The following RBBP6 variants were observed in gnomAD, a reference collection of about 807,000 sequenced individuals.
RBBP6 encodes E3 ubiquitin-protein ligase RBBP6.
In RBBP6, 25 loss-of-function variants were observed where a neutral mutation model predicts 167.7. The ratio of observed to expected loss-of-function variants is 0.15; its 90% confidence interval spans 0.11 to 0.21. The LOEUF (loss-of-function observed/expected upper bound fraction) is 0.21. Ranked by LOEUF, RBBP6 falls within the 10% of genes least tolerant of loss-of-function variation. The probability of loss-of-function intolerance (pLI) is 1.00; values close to 1 mark genes in which losing one functional copy is unlikely to be tolerated. For missense variants in RBBP6, 1,868 were observed against 2,134.2 expected (o/e 0.88, Z 2.46); for synonymous variants, 789 against 735.8 (o/e 1.07, Z -1.17).
At chr16:24,555,536 G>T in intron 4 of RBBP6, 79 bp from the exon 5 acceptor site, 1 of 1,076,758 alleles carries the variant, frequency 9.3e-7, no homozygotes, top group South Asian at 1.4e-5. Flanking sequence ...GCTCTTTACA[G>T]GATGAGTGGT....
chr16:24,572,502 ATAATG>A lies in RBBP6; in HGVS notation c.*61_*65del, dbSNP rs1899367247. ...TAAGTCATCTGTATTAAATTTTGTT[ATAATG>A]TAAAGAGATTCAAGCCTTGTAAATA... On this transcript the variant is annotated 3_prime_UTR_variant, in exon 18 of 18. Coordinates refer to ENST00000319715, the MANE Select transcript of RBBP6 (RefSeq NM_006910.5). 2.8e-5 allele frequency: 41 copies of A among 1,472,816 alleles called. No homozygotes were observed. Among genetic ancestry groups the A allele is most frequent in the Admixed American group, 5.5e-5 (2 of 36,612 alleles). 91.2% of individuals were successfully genotyped at this position (1,472,816 alleles called of 1,614,324 possible).
chr16:24,543,066 T>C (rs1163609772), intron 1 of RBBP6, among the ~76,000 whole-genome samples: 1 of 152,196 alleles, frequency 6.6e-6, no homozygotes, highest in Non-Finnish European at 1.5e-5. Context: ...ACTAGTTTTA[T>C]GGGAAATAGT....
chr16:24,547,568 GC>G (rs1184434577), intron 2 of RBBP6, among the ~76,000 whole-genome samples: 1 of 152,086 alleles, frequency 6.6e-6, no homozygotes. Context: ...CGATTCTCCT[GC>G]CTCAGCCTCC....
intron 1 of RBBP6, 148 bp downstream of exon 1, chr16:24,540,940 T>C (rs768680548): frequency 4.2e-5 from 42 of 998,618 alleles, no homozygotes; most frequent in Non-Finnish European, 5.5e-5. Flanking sequence ...TAGCCAAGGT[T>C]TGCAGCAGTT....
chr16:24,553,881 A>G (rs1321819913), intron 4 of RBBP6: 8 of 172,644 alleles, frequency 4.6e-5, no homozygotes, highest in African/African-American at 9.5e-5. Context: ...GGTTTTGGCT[A>G]TAAATTATGT....
chr16:24,568,487 G>T (rs1899245468), intron 16 of RBBP6, among the ~76,000 whole-genome samples: 1 of 152,154 alleles, frequency 6.6e-6, no homozygotes, highest in South Asian at 2.1e-4. Context: ...ATGTTAGTTA[G>T]CTCATATAAC....
rs1899354496 is a variant in RBBP6 at position 24,572,114 on chromosome 16, T to C, written c.5048T>C (p.Val1683Ala). 1.2e-6 allele frequency: 2 copies of C among 1,613,996 alleles called. No individual in the cohort carries two copies. The highest frequency in any genetic ancestry group is 1.3e-5 in the African/African-American group (1 of 74,896). ...AKESLDTAAV[V>A]QVGISRNQSH... ...GAGAGCCTGGACACAGCAGCAGTTG[T>C]CCAGGTGGGCATAAGCAGGAATCAG... The change falls in exon 18 of 18, where the codon GTC (valine) becomes GCC (alanine). Residue 1683 changes from valine (V) to alanine (A), a missense_variant. Transcript: ENST00000319715.
At chr16:24,551,135 G>A (rs72785704) in intron 3 of RBBP6, among the ~76,000 whole-genome samples, 268 of 151,616 alleles carry the variant, frequency 1.8e-3, no homozygotes, top group Non-Finnish European at 3.2e-3. Flanking sequence ...ATATCAGAGT[G>A]GTATTTTATA....
At position 24,540,667 on chromosome 16, in the gene RBBP6, A is replaced by G; in HGVS notation, c.41A>G (p.Tyr14Cys). ...VHYKFSSKLN[Y>C]DTVTFDGLHI... ...TATAAATTTTCCTCTAAACTCAACTATGATACCGTCACCTTTGATGGGCTC... is the reference window on the plus strand; with the variant it reads ...TATAAATTTTCCTCTAAACTCAACTGTGATACCGTCACCTTTGATGGGCTC... The change falls in exon 1 of 18, where the codon TAT becomes TGT. Residue 14 changes from tyrosine (Y) to cysteine (C), a missense_variant. Tyr to Cys is a radical substitution (Grantham distance 194, BLOSUM62 -2). Transcript: ENST00000319715. 2 of 1,614,144 alleles carry G rather than the reference A, an allele frequency of 1.2e-6. No homozygotes were observed. The highest frequency in any genetic ancestry group is 1.7e-6 in the Non-Finnish European group (2 of 1,180,002).
At chr16:24,563,052 C>T (rs1313747166) in intron 10 of RBBP6, 147 bp from the exon 11 acceptor site, 1 of 572,980 alleles carries the variant, frequency 1.7e-6, no homozygotes, top group Non-Finnish European at 3.0e-6. Flanking sequence ...AAAGTTTCAG[C>T]CTTCTCTCAC....
chr16:24,553,656 T>C (rs1898850664), intron 4 of RBBP6, 99 bp downstream of exon 4: 3 of 962,038 alleles, frequency 3.1e-6, no homozygotes, highest in Non-Finnish European at 4.5e-6. Flanking sequence ...GGAGGACATA[T>C]TTTGCAAAAG....
Position 24,572,035 on chromosome 16 carries a change from T to C in RBBP6, c.4969T>C (p.Ser1657Pro). Residue 1657 changes from serine (S) to proline (P), a missense_variant, in exon 18 of 18, where the codon TCT (serine) becomes CCT (proline). Coordinates refer to ENST00000319715, the MANE Select transcript of RBBP6 (RefSeq NM_006910.5). Reference sequence around the variant, plus strand: ...TAATGTTTCTGTAAAAGAAGAGGAATCTTCAGGAAACATTTCTAAGGACCT... The same window carrying C: ...TAATGTTTCTGTAAAAGAAGAGGAACCTTCAGGAAACATTTCTAAGGACCT... Reference protein sequence around the residue: ...ESNVSVKEEESSGNISKDLKD... With the variant: ...ESNVSVKEEEPSGNISKDLKD... The C allele has an allele frequency of 6.2e-7, 1 of 1,614,092 alleles. No individual in the cohort carries two copies. The highest frequency in any genetic ancestry group is 8.5e-7 in the Non-Finnish European group (1 of 1,179,982).
At chr16:24,568,306 A>T (rs1235212506) in intron 16 of RBBP6, among the ~76,000 whole-genome samples, 2 of 152,224 alleles carry the variant, frequency 1.3e-5, no homozygotes, top group Non-Finnish European at 2.9e-5. Context: ...AGAAAAAGTG[A>T]ATTATAAAAA....
chr16:24,561,506 A>G, intron 8 of RBBP6, 106 bp from the exon 9 acceptor site: 1 of 938,640 alleles, frequency 1.1e-6, no homozygotes, highest in Non-Finnish European at 1.6e-6. Flanking sequence ...ACATGCTTGG[A>G]AAACAGTAAT....
chr16:24,564,494 C>T (rs569516917), intron 13 of RBBP6, among the ~76,000 whole-genome samples: 92 of 152,210 alleles, frequency 6.0e-4, no homozygotes, highest in African/African-American at 2.2e-3. Context: ...GGGCTCTTTT[C>T]CTTGTATATA....
At position 24,569,633 on chromosome 16, in the gene RBBP6, T is replaced by C; in HGVS notation, c.2943T>C (p.Asp981=). 3.7e-6 allele frequency: 6 copies of C among 1,612,474 alleles called. No individual in the cohort carries two copies. The highest frequency in any genetic ancestry group is 5.1e-6 in the Non-Finnish European group (6 of 1,179,660). ...TDSLFVLPSR[D]DATPVRDEPM... is the part of the protein sequence containing the mutation. ...CATTGTTTGTTCTCCCAAGTAGAGA[T>C]GATGCCACACCTGTTAGAGATGAAC... is the stretch of plus-strand genomic sequence containing the variant. The change falls in exon 17 of 18, where the codon GAT becomes GAC. Residue 981 remains aspartate, a synonymous_variant. Coordinates refer to ENST00000319715, the MANE Select transcript of RBBP6 (RefSeq NM_006910.5).
At chr16:24,543,296 T>C (rs1054149553) in intron 1 of RBBP6, among the ~76,000 whole-genome samples, 2 of 149,966 alleles carry the variant, frequency 1.3e-5, no homozygotes, top group African/African-American at 4.9e-5. Context: ...TTAAATCTTT[T>C]TTTTTTTTTT....
rs7194163 is a variant in RBBP6, at chr16:24,567,009, G to T, written c.1590-134G>T. 251,594 of 893,028 alleles carry T rather than the reference G, an allele frequency of 0.28. 36,991 individuals carry two copies. The highest frequency in any genetic ancestry group is 0.35 in the South Asian group (19,207 of 54,238). The allele number at this position is 893,028 out of a possible 1,614,324, so 55.3% of individuals were successfully genotyped here. ...TTTACAAATAAATTGTACTAATGTT[G>T]CTACACTAGTTGAATAGTTGGTTCT... On this transcript the variant is annotated intron_variant, in intron 14 of 17. Transcript: ENST00000319715.
intron 1 of RBBP6, among the ~76,000 whole-genome samples, chr16:24,543,859 C>G (rs1898566428): frequency 6.6e-6 from 1 of 152,082 alleles, no homozygotes; most frequent in South Asian, 2.1e-4. Flanking sequence ...CTCTCCATTT[C>G]TCGGATTCAT....
Sources: allele counts gnomAD v4.1 joint callset (sites outside exome capture counted in the v4.1 genomes callset), GRCh38; gene constraint gnomAD v4.1.1; transcripts MANE v1.5; gene names NCBI Gene and HGNC (gene_info 2026-07-23, HGNC 2026-07-21).